Variants in COA1 observed in about 807,000 individuals in gnomAD.
COA1 encodes cytochrome c oxidase assembly factor 1 homolog.
In COA1, 13 loss-of-function variants were observed where a neutral mutation model predicts 16.0. The observed-to-expected ratio is 0.81, with a 90% CI of 0.53 to 1.29. The LOEUF (loss-of-function observed/expected upper bound fraction) is 1.29, where lower values mean the gene tolerates loss of function less well. Ranked by LOEUF, COA1 falls within the 50% of genes most tolerant of loss-of-function variation. COA1 has a pLI of 0.00. For synonymous variants in COA1, 65 were observed against 65.7 expected (o/e 0.99, Z 0.05); for missense variants, 179 against 177.0 (o/e 1.01, Z -0.06).
At chr7:43,635,088 A>C (rs1475210014), downstream of COA1, among the ~76,000 whole-genome samples, 1 of 152,202 alleles carries the variant, frequency 6.6e-6, no homozygotes, top group Non-Finnish European at 1.5e-5. Flanking sequence ...ATTTTCTAAC[A>C]ATGTGGTCCT....
intron 6 of COA1, chr7:43,609,511 A>G (rs2082674393): frequency 2.0e-5 from 3 of 152,268 alleles, no homozygotes; most frequent in Admixed American, 2.0e-4. Flanking sequence ...AGAACAAAGA[A>G]TGGGTGCTCA....
chr7:43,617,071 T>C (rs1270832255), intron 6 of COA1, among the ~76,000 whole-genome samples: 2 of 152,166 alleles, frequency 1.3e-5, no homozygotes, highest in East Asian at 3.8e-4. Context: ...ATATACAAAT[T>C]CACTCTTGTG....
At chr7:43,648,697 C>T in intron 1 of COA1, 45 bp from the exon 2 acceptor site, 1 of 1,443,642 alleles carries the variant, frequency 6.9e-7, no homozygotes, top group Non-Finnish European at 9.7e-7. Context: ...TTTTTAAAGC[C>T]CAGTTCTCTC....
intron 1 of COA1, among the ~76,000 whole-genome samples, chr7:43,711,209 A>C (rs2095236365): frequency 6.6e-6 from 1 of 152,144 alleles, no homozygotes; most frequent in Non-Finnish European, 1.5e-5. Context: ...ACTAGCATAC[A>C]CCTGGGTGTA....
intron 1 of COA1, among the ~76,000 whole-genome samples, chr7:43,718,325 C>T (rs1171326166): frequency 6.6e-6 from 1 of 152,302 alleles, no homozygotes; most frequent in East Asian, 1.9e-4. Flanking sequence ...ATGCTCTTGT[C>T]TCAGCTCCCA....
intron 6 of COA1, among the ~76,000 whole-genome samples, chr7:43,612,452 T>C (rs2082962773): frequency 6.6e-6 from 1 of 152,266 alleles, no homozygotes; most frequent in Non-Finnish European, 1.5e-5. Flanking sequence ...TCTTGGTCTC[T>C]AGAAGCGTTT....
rs1242405160 is a variant in COA1, at chr7:43,688,967, C to T, written c.-38-40315G>A. ...CAACAATGTGCCCAGCTACAAATTA[C>T]GATTCTATCACACAAAAAAGAAGAA... is the stretch of plus-strand genomic sequence containing the variant. On this transcript the variant is annotated intron_variant, in intron 1 of 5. Coordinates refer to ENST00000223336, the MANE Select transcript of COA1 (RefSeq NM_018224.4). 4.6e-5 allele frequency among the ~76,000 whole-genome samples: 7 copies of T among 152,154 alleles called. No individual in the cohort carries two copies. The South Asian group carries it at 1.0e-3, about 22-fold the overall frequency.
intron 1 of COA1, chr7:43,649,198 G>C (rs2090238525): frequency 6.6e-6 from 1 of 152,262 alleles, no homozygotes; most frequent in South Asian, 2.1e-4. Context: ...CTTTGAAGTA[G>C]GAACTATTAT....
chr7:43,632,042 G>A (rs1473672110), intron 6 of COA1: 1 of 152,232 alleles, frequency 6.6e-6, no homozygotes, highest in Non-Finnish European at 1.5e-5. Flanking sequence ...TCTTTCATGA[G>A]AGATTCCTCT....
At chr7:43,609,139 A>G (rs2082662819) in exon 7 of COA1, 2 of 152,220 alleles carry the variant, frequency 1.3e-5, no homozygotes, top group Non-Finnish European at 2.9e-5. Context: ...CAGGGTTCAA[A>G]AACTGTTGCT....
chr7:43,638,338 T>C (rs543256807), downstream of COA1, among the ~76,000 whole-genome samples: 14 of 152,228 alleles, frequency 9.2e-5, no homozygotes, highest in African/African-American at 3.4e-4. Flanking sequence ...AGCCTGCTAA[T>C]GCTAAGAGGG....
At chr7:43,717,354 G>T (rs2095415688) in intron 1 of COA1, among the ~76,000 whole-genome samples, 2 of 152,208 alleles carry the variant, frequency 1.3e-5, no homozygotes, top group Non-Finnish European at 2.9e-5. Flanking sequence ...TGACCCAGAT[G>T]TGAGACCTGG....
At chr7:43,623,948 TA>T in intron 6 of COA1, 1 of 1,213,416 alleles carries the variant, frequency 8.2e-7, no homozygotes. Context: ...AATTCAGTAT[TA>T]AAAAACTGAC....
At chr7:43,677,119 T>G (rs539462157) in intron 1 of COA1, among the ~76,000 whole-genome samples, 1 of 152,362 alleles carries the variant, frequency 6.6e-6, no homozygotes, top group South Asian at 2.1e-4. Flanking sequence ...CTATATGTTT[T>G]TCTTGTAAGC....
At chr7:43,663,679 A>C (rs2092651455) in intron 1 of COA1, among the ~76,000 whole-genome samples, 1 of 149,678 alleles carries the variant, frequency 6.7e-6, no homozygotes, top group Non-Finnish European at 1.5e-5. Flanking sequence ...AAAAAAAAAA[A>C]AAAAAAAAAC....
chr7:43,627,009 C>T (rs1402032909), intron 6 of COA1, among the ~76,000 whole-genome samples: 1 of 152,112 alleles, frequency 6.6e-6, no homozygotes, highest in African/African-American at 2.4e-5. Flanking sequence ...CTATTAATAA[C>T]TGCCAGCTAG....
chr7:43,721,791 AAAC>A (rs2095509988), intron 1 of COA1, among the ~76,000 whole-genome samples: 1 of 152,156 alleles, frequency 6.6e-6, no homozygotes, highest in Non-Finnish European at 1.5e-5. Flanking sequence ...TTTAAAAAAA[AAAC>A]AAGGTAAGAG....
At chr7:43,724,262 T>C (rs1188224348) in intron 1 of COA1, among the ~76,000 whole-genome samples, 3 of 151,574 alleles carry the variant, frequency 2.0e-5, no homozygotes, top group Non-Finnish European at 4.4e-5. Flanking sequence ...CTAAAAGAAC[T>C]GAAAGCACAG....
Position 43,619,459 on chromosome 7 carries a change from A to G in COA1, c.*134-9964T>C, listed in dbSNP as rs2083649166. The G allele has an allele frequency of 4.4e-6, 5 of 1,145,666 alleles. No homozygotes were observed. The Admixed American group carries it at 9.3e-5, about 21-fold the overall frequency. The allele number at this position is 1,145,666 out of a possible 1,614,324, so 71.0% of individuals were successfully genotyped here. ...TATACATAGGCAATAAATTGTAAAA[A>G]TATTTCTTTAACAAATGACTGTTTA... On this transcript the variant is annotated intron_variant and NMD_transcript_variant, in intron 6 of 6. Transcript: ENST00000415076.
Sources: allele counts gnomAD v4.1 joint callset (sites outside exome capture counted in the v4.1 genomes callset), GRCh38; gene constraint gnomAD v4.1.1; transcripts MANE v1.5; gene names NCBI Gene and HGNC (gene_info 2026-07-23, HGNC 2026-07-21).